UBR1: variants seen among roughly 807,000 people sequenced by gnomAD.
UBR1 encodes the protein E3 ubiquitin-protein ligase UBR1.
A neutral mutation model predicts 242.1 loss-of-function variants in UBR1; 102 were observed. That is an observed-to-expected ratio of 0.42 (90% CI 0.36 to 0.50). The LOEUF is 0.50. Ranked by LOEUF, UBR1 falls within the 20% of genes least tolerant of loss-of-function variation. The pLI is 0.01. For synonymous variants in UBR1, 675 were observed against 684.8 expected, an observed-to-expected ratio of 0.99 and a Z score of 0.22; for missense variants, 1,772 against 2,101.8, an observed-to-expected ratio of 0.84 and a Z score of 3.07.
At chr15:43,048,214 A>C (rs1433868463) in intron 13 of UBR1, among the ~76,000 whole-genome samples, 178 bp downstream of exon 13, 1 of 152,122 alleles carries the variant, frequency 6.6e-6, no homozygotes, top group African/African-American at 2.4e-5. Flanking sequence ...AGCAATAGTA[A>C]ACTAAGGTAT....
chr15:43,065,518 C>A (rs1157356836), intron 6 of UBR1, among the ~76,000 whole-genome samples: 1 of 152,154 alleles, frequency 6.6e-6, no homozygotes, highest in Non-Finnish European at 1.5e-5. Context: ...TACCCCCACA[C>A]CCCCGACAGG....
intron 45 of UBR1, chr15:42,950,694 C>G (rs1680641977): frequency 6.1e-6 from 2 of 328,554 alleles, no homozygotes; most frequent in Non-Finnish European, 5.8e-6. Context: ...TATTCTAATT[C>G]CTGACACAAC....
chr15:43,059,216 G>A (rs753966626), intron 8 of UBR1, 24 bp from the exon 9 acceptor site: 1 of 1,586,240 alleles, frequency 6.3e-7, no homozygotes, highest in Admixed American at 1.7e-5. Flanking sequence ...AGGTCACACA[G>A]TTACACAACT....
At chr15:42,950,737 G>A (rs953481228) in intron 45 of UBR1, among the ~76,000 whole-genome samples, 2 of 152,290 alleles carry the variant, frequency 1.3e-5, no homozygotes, top group Middle Eastern at 3.4e-3. Context: ...CAGAAGAACA[G>A]AATCACATCT....
intron 18 of UBR1, 107 bp from the exon 19 acceptor site, chr15:43,036,386 G>GT: frequency 5.0e-6 from 6 of 1,207,912 alleles, no homozygotes; most frequent in Non-Finnish European, 7.4e-6. Context: ...TAATGTAGTA[G>GT]TCCCTTCTAT....
intron 1 of UBR1, among the ~76,000 whole-genome samples, chr15:43,086,877 T>C (rs966384527): frequency 6.6e-6 from 1 of 152,164 alleles, no homozygotes. Flanking sequence ...CCAAAAGTGC[T>C]TTCCCACCTA....
intron 17 of UBR1, among the ~76,000 whole-genome samples, chr15:43,037,393 A>T (rs768323275): frequency 6.6e-6 from 1 of 151,834 alleles, no homozygotes; most frequent in African/African-American, 2.4e-5. Context: ...AAAGAAAAGC[A>T]CTGCTGCATA....
chr15:42,964,987 T>A (rs972023097), intron 41 of UBR1, among the ~76,000 whole-genome samples: 2 of 152,248 alleles, frequency 1.3e-5, no homozygotes, highest in African/African-American at 4.8e-5. Context: ...TATTTCTCTA[T>A]TTGTTTATAA....
intron 23 of UBR1, chr15:43,025,788 A>C (rs2033170406): frequency 4.6e-6 from 1 of 217,856 alleles, no homozygotes. Flanking sequence ...TTCATGGGAC[A>C]AAAAGACGTA....
At chr15:42,951,645 T>C (rs1249271959) in intron 45 of UBR1, among the ~76,000 whole-genome samples, 3 of 152,208 alleles carry the variant, frequency 2.0e-5, no homozygotes, top group Non-Finnish European at 2.9e-5. Flanking sequence ...ACTTTTTTTT[T>C]TGATAGAGGA....
chr15:42,948,341 T>C (rs960834957), intron 46 of UBR1, among the ~76,000 whole-genome samples: 1 of 152,006 alleles, frequency 6.6e-6, no homozygotes, highest in Non-Finnish European at 1.5e-5. Flanking sequence ...GAAGAAAACC[T>C]AGGCATTACC....
intron 4 of UBR1, 144 bp downstream of exon 4, chr15:43,074,835 G>A (rs2033867649): frequency 9.0e-6 from 6 of 669,814 alleles, no homozygotes; most frequent in East Asian, 2.6e-5. Context: ...TTTCTTTGGA[G>A]CTAGAAAAAA....
At chr15:43,015,293 T>C (rs1179861103) in intron 29 of UBR1, among the ~76,000 whole-genome samples, 1 of 152,128 alleles carries the variant, frequency 6.6e-6, no homozygotes, top group Non-Finnish European at 1.5e-5. Flanking sequence ...TTTTGTTCTG[T>C]ACTAAGAAAA....
At chr15:43,078,515 T>TA (rs2033934251) in intron 3 of UBR1, among the ~76,000 whole-genome samples, 2 of 151,940 alleles carry the variant, frequency 1.3e-5, no homozygotes, top group African/African-American at 4.8e-5. Context: ...CATAAACATG[T>TA]AAAAATTAAA....
At chr15:43,068,090 A>AAAAAAAAAAAAAAAAAAAAAAAAT in intron 5 of UBR1, 54 bp from the exon 6 acceptor site, 1 of 150,590 alleles carries the variant, frequency 6.6e-6, no homozygotes, top group Non-Finnish European at 1.1e-5. Flanking sequence ...AAGGAAAAGT[A>AAAAAAAAAAAAAAAAAAAAAAAAT]AAAAAAAAAA....
At chr15:42,979,235 GGTTT>G (rs1265467145) in intron 37 of UBR1, among the ~76,000 whole-genome samples, 1 of 150,286 alleles carries the variant, frequency 6.7e-6, no homozygotes, top group Non-Finnish European at 1.5e-5. Flanking sequence ...GTAGAGATGG[GGTTT>G]CACAATGTTG....
intron 2 of UBR1, among the ~76,000 whole-genome samples, chr15:43,085,080 A>G (rs772715808): frequency 2.0e-5 from 3 of 152,156 alleles, no homozygotes; most frequent in African/African-American, 4.8e-5. Context: ...CTAAATTACA[A>G]CTGTTTCTAC....
intron 29 of UBR1, among the ~76,000 whole-genome samples, chr15:43,010,717 A>C (rs1322166032): frequency 6.6e-6 from 1 of 151,774 alleles, no homozygotes; most frequent in African/African-American, 2.4e-5. Flanking sequence ...CACGCCTTGT[A>C]ATCCCAGCAC....
intron 16 of UBR1, 67 bp downstream of exon 16, chr15:43,038,104 C>T (rs1467201202): frequency 9.7e-6 from 15 of 1,544,404 alleles, no homozygotes; most frequent in East Asian, 2.2e-5. Flanking sequence ...ATCTCCTTCT[C>T]GTCCATCAAC....
Sources: gnomAD v4.1 joint callset for allele counts (sites outside exome capture counted in the v4.1 genomes callset) on GRCh38, gnomAD v4.1.1 for gene constraint, MANE v1.5 for transcripts, NCBI Gene and HGNC (gene_info 2026-07-23, HGNC 2026-07-21) for gene names.